Variants in PHLPP1 observed in about 807,000 individuals in gnomAD.
PHLPP1 encodes the protein PH domain leucine-rich repeat-containing protein phosphatase 1.
PHLPP1 carries 42 observed loss-of-function variants against 117.2 expected under a neutral mutation model. That is an observed-to-expected ratio of 0.36 (90% CI 0.28 to 0.46). PHLPP1 has a LOEUF of 0.46. Among genes scored for constraint, PHLPP1 ranks in the 20% least tolerant of loss-of-function variants. The pLI is 1.00. For synonymous variants in PHLPP1, 1,042 were observed against 970.7 expected, an observed-to-expected ratio of 1.07 and a Z score of -1.37; for missense variants, 2,084 against 2,241.9, an observed-to-expected ratio of 0.93 and a Z score of 1.42.
At chr18:62,882,588 A>G (rs535536986) in intron 4 of PHLPP1, among the ~76,000 whole-genome samples, 1 of 152,302 alleles carries the variant, frequency 6.6e-6, no homozygotes, top group East Asian at 1.9e-4. Context: ...CTAAAGAGCA[A>G]GTATATTCAA....
chr18:62,757,987 G>A (rs1912080620), intron 1 of PHLPP1, among the ~76,000 whole-genome samples: 2 of 152,198 alleles, frequency 1.3e-5, no homozygotes, highest in African/African-American at 2.4e-5. Flanking sequence ...GAAAGTTCTA[G>A]TTTAGGGACA....
chr18:62,828,377 T>G (rs561734431), intron 1 of PHLPP1, among the ~76,000 whole-genome samples: 16 of 152,252 alleles, frequency 1.1e-4, no homozygotes, highest in African/African-American at 3.9e-4. Context: ...TTCCTACTCA[T>G]TTGTGGGAAA....
At chr18:62,744,866 G>A (rs2122078493) in intron 1 of PHLPP1, among the ~76,000 whole-genome samples, 1 of 152,302 alleles carries the variant, frequency 6.6e-6, no homozygotes, top group East Asian at 1.9e-4. Flanking sequence ...GTAAATCAGG[G>A]ATAGGCTTCT....
intron 1 of PHLPP1, among the ~76,000 whole-genome samples, chr18:62,805,823 T>C (rs1323874482): frequency 6.6e-6 from 1 of 152,086 alleles, no homozygotes; most frequent in Non-Finnish European, 1.5e-5. Context: ...TATCTAGGTA[T>C]GGTGTGTGGC....
chr18:62,721,179 C>T (rs181230625), intron 1 of PHLPP1, among the ~76,000 whole-genome samples: 2 of 152,196 alleles, frequency 1.3e-5, no homozygotes, highest in East Asian at 3.9e-4. Context: ...TTCTGTTTAT[C>T]ATGGTGCCTT....
At chr18:62,799,757 T>C (rs1174745850) in intron 1 of PHLPP1, among the ~76,000 whole-genome samples, 1 of 152,330 alleles carries the variant, frequency 6.6e-6, no homozygotes, top group East Asian at 1.9e-4. Context: ...TGTATTCATA[T>C]TGAAAATATA....
intron 4 of PHLPP1, among the ~76,000 whole-genome samples, chr18:62,887,301 G>A (rs1250211154): frequency 6.6e-6 from 1 of 151,954 alleles, no homozygotes; most frequent in Non-Finnish European, 1.5e-5. Flanking sequence ...CTATGAGCTT[G>A]GAAAATTAAA....
intron 14 of PHLPP1, among the ~76,000 whole-genome samples, chr18:62,965,655 C>G (rs1910880377): frequency 6.6e-6 from 1 of 151,128 alleles, no homozygotes; most frequent in Non-Finnish European, 1.5e-5. Flanking sequence ...AACAGGGTTT[C>G]ACCATGTTGG....
chr18:62,817,813 G>A (rs1370537064), intron 1 of PHLPP1, among the ~76,000 whole-genome samples: 2 of 146,612 alleles, frequency 1.4e-5, no homozygotes, highest in African/African-American at 5.0e-5. Flanking sequence ...AGCACTGACA[G>A]AATGCAGAAC....
chr18:62,893,208 A>AT (rs562910014), intron 4 of PHLPP1, among the ~76,000 whole-genome samples: 7 of 151,706 alleles, frequency 4.6e-5, no homozygotes, highest in African/African-American at 9.7e-5. Context: ...TGGCTGGCTA[A>AT]TTTTTTTTGT....
rs534623696 is a variant in PHLPP1, at chr18:62,931,154, A to G, written c.2961-10564A>G. ...AGAGGTTGCAGTGAGCCAAGATCAC[A>G]CCACTGCACTCCAGCCTGGGTGACA... On this transcript the variant is annotated intron_variant, in intron 10 of 16. Coordinates refer to ENST00000262719, the MANE Select transcript of PHLPP1 (RefSeq NM_194449.4). Among the ~76,000 whole-genome samples, 524 of 151,616 alleles carry G rather than the reference A, an allele frequency of 3.5e-3. 2 individuals carry two copies. The highest frequency in any genetic ancestry group is 6.5e-3 in the Admixed American group (99 of 15,208).
intron 1 of PHLPP1, among the ~76,000 whole-genome samples, chr18:62,790,383 T>C (rs949892721): frequency 6.6e-6 from 1 of 152,186 alleles, no homozygotes; most frequent in African/African-American, 2.4e-5. Flanking sequence ...TTTATTATAC[T>C]CTAATATAAC....
intron 6 of PHLPP1, among the ~76,000 whole-genome samples, chr18:62,897,203 A>T (rs1467189627): frequency 6.6e-6 from 1 of 152,206 alleles, no homozygotes; most frequent in Non-Finnish European, 1.5e-5. Context: ...TACCTGGTAC[A>T]TGTAGGGAGA....
chr18:62,859,180 T>C (rs1028639274), intron 3 of PHLPP1, among the ~76,000 whole-genome samples: 3 of 152,188 alleles, frequency 2.0e-5, no homozygotes, highest in African/African-American at 7.2e-5. Context: ...ATAGGGAGAA[T>C]TAACCAAAGT....
At chr18:62,730,167 A>G (rs1402838641) in intron 1 of PHLPP1, among the ~76,000 whole-genome samples, 1 of 152,218 alleles carries the variant, frequency 6.6e-6, no homozygotes, top group Non-Finnish European at 1.5e-5. Context: ...TTCTGTGGTC[A>G]GTTTGGGCAC....
intron 3 of PHLPP1, among the ~76,000 whole-genome samples, chr18:62,851,794 C>T (rs1200031683): frequency 2.0e-5 from 3 of 152,050 alleles, no homozygotes; most frequent in Non-Finnish European, 4.4e-5. Context: ...GATAGCCTGT[C>T]TGGATTTTCC....
chr18:62,968,529 C>CTTTTTT (rs34849907), intron 14 of PHLPP1, among the ~76,000 whole-genome samples: 1 of 51,778 alleles, frequency 1.9e-5, no homozygotes, highest in Admixed American at 2.3e-4. Context: ...CATTATTAGG[C>CTTTTTT]TTTTTTTTTT....
At chr18:62,812,800 T>G (rs1372071987) in intron 1 of PHLPP1, among the ~76,000 whole-genome samples, 1 of 151,842 alleles carries the variant, frequency 6.6e-6, no homozygotes, top group African/African-American at 2.4e-5. Context: ...TCTACAAAAG[T>G]GATGGTTTCT....
intron 9 of PHLPP1, among the ~76,000 whole-genome samples, chr18:62,917,614 A>G (rs1909329862): frequency 6.6e-6 from 1 of 151,942 alleles, no homozygotes; most frequent in South Asian, 2.1e-4. Flanking sequence ...CCAGGAGTTC[A>G]AGACCAGCCT....
Sources: allele counts gnomAD v4.1 joint callset (sites outside exome capture counted in the v4.1 genomes callset), GRCh38; gene constraint gnomAD v4.1.1; transcripts MANE v1.5; gene names NCBI Gene and HGNC (gene_info 2026-07-23, HGNC 2026-07-21).